The following ARHGAP22 variants were observed in gnomAD, a reference collection of about 807,000 sequenced individuals.
ARHGAP22 encodes rho GTPase-activating protein 22.
A neutral mutation model predicts 59.1 loss-of-function variants in ARHGAP22; 48 were observed. The ratio of observed to expected loss-of-function variants is 0.81; its 90% CI spans 0.64 to 1.03. ARHGAP22 has a LOEUF of 1.03. Among genes scored for constraint, ARHGAP22 ranks in the 50% least tolerant of loss-of-function variants. ARHGAP22 has a pLI of 0.00. For missense variants in ARHGAP22, 1,015 were observed against 958.7 expected, an observed-to-expected ratio of 1.06 and a Z score of -0.78; for synonymous variants, 445 against 416.4, an observed-to-expected ratio of 1.07 and a Z score of -0.84.
At chr10:48,540,633 T>A (rs899722762) in intron 3 of ARHGAP22, among the ~76,000 whole-genome samples, 1 of 152,144 alleles carries the variant, frequency 6.6e-6, no homozygotes, top group Non-Finnish European at 1.5e-5. Context: ...AAATATTGCA[T>A]GAGCCAAACA....
At chr10:48,643,752 TA>T (rs35924464) in intron 1 of ARHGAP22, among the ~76,000 whole-genome samples, 20,164 of 141,114 alleles carry the variant, frequency 0.14, 1,536 homozygotes, top group African/African-American at 0.19. Context: ...AAAGTATAAT[TA>T]AAAAAAAAAA....
chr10:48,627,348 G>T (rs1228800252), intron 1 of ARHGAP22, among the ~76,000 whole-genome samples: 6 of 152,334 alleles, frequency 3.9e-5, no homozygotes, highest in Non-Finnish European at 8.8e-5. Flanking sequence ...AGTCGGGGAG[G>T]TCTTGTGGGA....
At chr10:48,615,630 A>G (rs1445168047) in intron 1 of ARHGAP22, among the ~76,000 whole-genome samples, 2 of 152,198 alleles carry the variant, frequency 1.3e-5, no homozygotes, top group Non-Finnish European at 2.9e-5. Flanking sequence ...GGAAAAATCA[A>G]TCAGTAGAAC....
At chr10:48,479,504 T>C in intron 4 of ARHGAP22, 132 bp downstream of exon 4, 2 of 1,523,614 alleles carry the variant, frequency 1.3e-6, no homozygotes, top group Non-Finnish European at 1.8e-6. Context: ...AGGGCCAGCC[T>C]GCTGTGAGAA....
intron 1 of ARHGAP22, among the ~76,000 whole-genome samples, chr10:48,619,962 A>G (rs1263289439): frequency 6.6e-6 from 1 of 152,216 alleles, no homozygotes; most frequent in East Asian, 1.9e-4. Context: ...ACAAGGGATT[A>G]ATATCCATTA....
upstream of ARHGAP22, chr10:48,605,109 G>T: frequency 2.4e-6 from 3 of 1,266,694 alleles, no homozygotes. Context: ...CCTGGCCTGG[G>T]CGCACGCGTG....
rs2052263241 is a variant in ARHGAP22 at position 48,507,457 on chromosome 10, C to G, written c.323-27693G>C. ...CTGACAGAGGCAGCCATGCTGACAT[C>G]AGGAGGTGATGGCTGACAGCAAGAG... On this transcript the variant is annotated intron_variant, in intron 3 of 9. Transcript: ENST00000249601. 2.6e-5 allele frequency among the ~76,000 whole-genome samples: 4 copies of G among 152,196 alleles called. No homozygotes were observed. In the South Asian group the frequency reaches 8.3e-4, roughly 32 times the overall value.
At chr10:48,470,788 G>T (rs2048162963) in intron 4 of ARHGAP22, among the ~76,000 whole-genome samples, 1 of 152,236 alleles carries the variant, frequency 6.6e-6, no homozygotes, top group African/African-American at 2.4e-5. Context: ...GGCCAGGCAG[G>T]TTGACATTCA....
intron 8 of ARHGAP22, among the ~76,000 whole-genome samples, chr10:48,451,798 C>T (rs2045988720): frequency 6.6e-6 from 1 of 151,474 alleles, no homozygotes; most frequent in Non-Finnish European, 1.5e-5. Context: ...ATGCCCACTC[C>T]CGAAAATCCC....
At chr10:48,567,334 T>G (rs1188004710) in intron 2 of ARHGAP22, among the ~76,000 whole-genome samples, 8 of 152,188 alleles carry the variant, frequency 5.3e-5, no homozygotes, top group Admixed American at 1.3e-4. Context: ...CCTGCGACCA[T>G]GCTCATGGGA....
intron 8 of ARHGAP22, 128 bp downstream of exon 8, chr10:48,453,176 T>A: frequency 7.7e-7 from 1 of 1,302,468 alleles, no homozygotes; most frequent in South Asian, 1.3e-5. Flanking sequence ...GAGATGGAGA[T>A]GTGCCACCTG....
In ARHGAP22 at chr10:48,555,502, G is replaced by T. The variant is rs373930821; in HGVS notation, c.283C>A (p.Pro95Thr). The T allele has an allele frequency of 8.1e-6, 13 of 1,614,074 alleles. No individual in the cohort carries two copies. The African/African-American group carries it at 1.6e-4, about 20-fold the overall frequency. The change falls in exon 3 of 10, where the codon CCC (proline) becomes ACC (threonine). Residue 95 changes from proline to threonine, a missense_variant. By Grantham distance (38) the Pro-to-Thr change is conservative (BLOSUM62 -1). Transcript: ENST00000249601. Reference sequence around the variant, plus strand: ...AAGAGGTGCTTCCCTGGGTCCTCGGGGCCAGGAGGAAGTTCAGTCACCTGT... The same window carrying T: ...AAGAGGTGCTTCCCTGGGTCCTCGGTGCCAGGAGGAAGTTCAGTCACCTGT... Reference protein sequence around the residue: ...GTQVTELPPGPEDPGKHLFEI... With the variant: ...GTQVTELPPGTEDPGKHLFEI...
At chr10:48,554,469 T>C (rs1386201005) in intron 3 of ARHGAP22, among the ~76,000 whole-genome samples, 1 of 152,144 alleles carries the variant, frequency 6.6e-6, no homozygotes, top group Non-Finnish European at 1.5e-5. Flanking sequence ...TCCCAGGATG[T>C]CTAAATTCAG....
chr10:48,583,118 G>T lies in ARHGAP22; in HGVS notation c.69C>A (p.Ser23Arg). 6.2e-7 allele frequency: 1 copy of T among 1,614,212 alleles called. No individual in the cohort carries two copies. Among genetic ancestry groups the T allele is most frequent in the African/African-American group, 1.3e-5 (1 of 75,084 alleles). The change falls in exon 2 of 10, where the codon AGC becomes AGA. Residue 23 changes from serine (S) to arginine (R), a missense_variant. Coordinates refer to ENST00000249601, the MANE Select transcript of ARHGAP22 (RefSeq NM_021226.4). ...GGCACGGCATCCGCCCAGGGCTCCG[G>T]CTCTGCTCCCCCATCACTAGGCTTT... Reference protein sequence around the residue: ...RSKSLVMGEQSRSPGRMPCPH... With the variant: ...RSKSLVMGEQRRSPGRMPCPH...
At chr10:48,452,793 A>T (rs1324548470) in intron 8 of ARHGAP22, among the ~76,000 whole-genome samples, 1 of 152,232 alleles carries the variant, frequency 6.6e-6, no homozygotes, top group African/African-American at 2.4e-5. Flanking sequence ...GGCTGGTTGT[A>T]AAGCCTGAAA....
At chr10:48,644,961 A>G (rs187365907) in intron 1 of ARHGAP22, among the ~76,000 whole-genome samples, 1 of 152,240 alleles carries the variant, frequency 6.6e-6, no homozygotes, top group East Asian at 1.9e-4. Context: ...ACAGTAAAAC[A>G]TTAGAGAAAA....
At chr10:48,507,361 C>T (rs959162240) in intron 3 of ARHGAP22, among the ~76,000 whole-genome samples, 2 of 152,218 alleles carry the variant, frequency 1.3e-5, no homozygotes, top group African/African-American at 4.8e-5. Flanking sequence ...GCATACATTT[C>T]TAGCAAGTGC....
intron 1 of ARHGAP22, among the ~76,000 whole-genome samples, chr10:48,612,176 C>T (rs745774584): frequency 8.6e-5 from 13 of 152,016 alleles, no homozygotes; most frequent in Non-Finnish European, 1.5e-4. Context: ...TAATCCCTCC[C>T]TCATTGGTGC....
At chr10:48,511,313 C>A (rs994351099) in intron 3 of ARHGAP22, among the ~76,000 whole-genome samples, 1 of 152,226 alleles carries the variant, frequency 6.6e-6, no homozygotes, top group Non-Finnish European at 1.5e-5. Flanking sequence ...GCCCAGAGAG[C>A]TCAGGCACAT....
Sources: allele counts gnomAD v4.1 joint callset (sites outside exome capture counted in the v4.1 genomes callset), GRCh38; gene constraint gnomAD v4.1.1; transcripts MANE v1.5; gene names NCBI Gene and HGNC (gene_info 2026-07-23, HGNC 2026-07-21).